Variants in TAF4B observed in about 807,000 individuals in gnomAD.
TAF4B encodes the protein transcription initiation factor TFIID subunit 4B.
A neutral mutation model predicts 86.4 loss-of-function variants in TAF4B; 38 were observed. The observed-to-expected ratio is 0.44, with a 90% CI of 0.34 to 0.58. TAF4B has a LOEUF of 0.58. Ranked by LOEUF, TAF4B falls within the 20% of genes least tolerant of loss-of-function variation. The probability of loss-of-function intolerance (pLI) is 0.02; values close to 1 mark genes in which losing one functional copy is unlikely to be tolerated. For missense variants in TAF4B, 988 were observed against 1,027.6 expected, an observed-to-expected ratio of 0.96 and a Z score of 0.53; for synonymous variants, 388 against 391.2, an observed-to-expected ratio of 0.99 and a Z score of 0.10.
In TAF4B at chr18:26,327,050, G is replaced by C. The variant is rs1471928196; in HGVS notation, c.2169G>C (p.Arg723Ser). The C allele has an allele frequency of 6.2e-7, 1 of 1,613,448 alleles. No individual in the cohort carries two copies. The highest frequency in any genetic ancestry group is 8.5e-7 in the Non-Finnish European group (1 of 1,179,848). ...ATTACATCCTGTGTAGTGATACCAG[G>C]TCACAGCTCAAATTTCTTGAAAAGC... is the stretch of plus-strand genomic sequence containing the variant. ...SENYILCSDTRSQLKFLEKLD... is the reference protein window; with the variant it reads ...SENYILCSDTSSQLKFLEKLD... The change falls in exon 12 of 15, where the codon AGG becomes AGC. Residue 723 changes from arginine (R) to serine (S), a missense_variant. Physicochemically the swap from Arg to Ser is moderately radical, Grantham distance 110. Transcript: ENST00000269142.
chr18:26,351,557 A>G (rs1256104921), intron 13 of TAF4B, among the ~76,000 whole-genome samples: 1 of 152,206 alleles, frequency 6.6e-6, no homozygotes, highest in Non-Finnish European at 1.5e-5. Context: ...GGGTATACTA[A>G]TTATCCTCAT....
chr18:26,303,213 C>T (rs369181110), intron 9 of TAF4B, among the ~76,000 whole-genome samples: 68 of 62,004 alleles, frequency 1.1e-3, no homozygotes, highest in Non-Finnish European at 1.8e-3. Context: ...ACTTTCATAC[C>T]CCCTCCACTT....
chr18:26,267,475 G>A (rs778788631), intron 2 of TAF4B, 41 bp from the exon 3 acceptor site: 3 of 1,332,438 alleles, frequency 2.3e-6, no homozygotes, highest in African/African-American at 1.4e-5. Context: ...AATTACTAAC[G>A]CTAATGACTT....
intron 9 of TAF4B, among the ~76,000 whole-genome samples, chr18:26,313,853 A>G (rs1001079833): frequency 6.6e-6 from 1 of 151,974 alleles, no homozygotes; most frequent in Non-Finnish European, 1.5e-5. Flanking sequence ...TTTTCTGTAG[A>G]GGTGGTATCT....
chr18:26,255,472 G>A (rs1050296014), intron 1 of TAF4B, among the ~76,000 whole-genome samples: 1 of 151,766 alleles, frequency 6.6e-6, no homozygotes, highest in Admixed American at 6.6e-5. Flanking sequence ...GTCTGGTGGT[G>A]GGCACCTATA....
At chr18:26,376,683 A>G (rs1300303793) in intron 14 of TAF4B, among the ~76,000 whole-genome samples, 1 of 151,964 alleles carries the variant, frequency 6.6e-6, no homozygotes, top group Non-Finnish European at 1.5e-5. Context: ...TTTCTTGCCT[A>G]ATTGTCCTGG....
intron 3 of TAF4B, among the ~76,000 whole-genome samples, chr18:26,271,157 C>A (rs1314175616): frequency 2.0e-5 from 3 of 152,192 alleles, no homozygotes; most frequent in Non-Finnish European, 4.4e-5. Context: ...GAAGATACAA[C>A]TCCTTGTACT....
intron 14 of TAF4B, among the ~76,000 whole-genome samples, chr18:26,385,179 C>A (rs934859985): frequency 1.3e-5 from 2 of 152,232 alleles, no homozygotes. Flanking sequence ...GTAGAAAAAT[C>A]TTTAAAGGTT....
At chr18:26,273,237 CTTTAA>C (rs1377974267) in intron 3 of TAF4B, among the ~76,000 whole-genome samples, 2 of 152,174 alleles carry the variant, frequency 1.3e-5, no homozygotes, top group East Asian at 1.9e-4. Flanking sequence ...ATTTCAATGT[CTTTAA>C]TTTGTCTATT....
At chr18:26,283,643 A>G (rs1032687056) in intron 6 of TAF4B, among the ~76,000 whole-genome samples, 4 of 152,166 alleles carry the variant, frequency 2.6e-5, no homozygotes, top group Admixed American at 2.6e-4. Flanking sequence ...AGCCCCTAAC[A>G]AGAAAGTCAC....
intron 5 of TAF4B, among the ~76,000 whole-genome samples, chr18:26,278,417 A>C (rs1274031313): frequency 6.6e-6 from 1 of 151,666 alleles, no homozygotes; most frequent in Non-Finnish European, 1.5e-5. Context: ...GGCTCCTTCC[A>C]CTTCACCCTC....
chr18:26,233,634 C>T lies in TAF4B; in HGVS notation c.343+6358C>T, dbSNP rs192815221. On this transcript the variant is annotated intron_variant, in intron 1 of 14. Transcript: ENST00000269142. The stretch of plus-strand genomic sequence containing the variant: ...CATAAAGGGGCTTGGGAAGTTAAGA[C>T]GGTTTCATGGTTACAGGGCTGTGTA... Among the ~76,000 whole-genome samples, 1,272 of 152,254 alleles carry T rather than the reference C, an allele frequency of 8.4e-3. 9 individuals carry two copies. The highest frequency in any genetic ancestry group is 0.012 in the Non-Finnish European group (837 of 68,012).
intron 1 of TAF4B, among the ~76,000 whole-genome samples, chr18:26,252,018 A>C (rs2056013354): frequency 6.6e-6 from 1 of 152,198 alleles, no homozygotes; most frequent in African/African-American, 2.4e-5. Flanking sequence ...AAAATTCAAA[A>C]ATCCTCTCAC....
chr18:26,355,297 G>A (rs1484612092), intron 13 of TAF4B, among the ~76,000 whole-genome samples: 1 of 152,032 alleles, frequency 6.6e-6, no homozygotes, highest in African/African-American at 2.4e-5. Context: ...GATAACTTGG[G>A]GTTTTCTGCA....
chr18:26,342,134 A>G (rs563540983), intron 13 of TAF4B, among the ~76,000 whole-genome samples: 6 of 152,216 alleles, frequency 3.9e-5, no homozygotes, highest in Non-Finnish European at 7.4e-5. Context: ...CTTAACGTTA[A>G]TTGTGAAATC....
chr18:26,373,065 G>A (rs2057417762), intron 14 of TAF4B, among the ~76,000 whole-genome samples: 1 of 152,114 alleles, frequency 6.6e-6, no homozygotes, highest in African/African-American at 2.4e-5. Context: ...CTACTATCTT[G>A]GTGAACTTTC....
chr18:26,387,569 T>C (rs1000724315), intron 14 of TAF4B, among the ~76,000 whole-genome samples: 9 of 152,212 alleles, frequency 5.9e-5, no homozygotes, highest in African/African-American at 1.9e-4. Flanking sequence ...CAGAGTGGCA[T>C]GCTAGTGCTT....
chr18:26,344,007 C>T (rs1402419871), intron 13 of TAF4B, among the ~76,000 whole-genome samples: 1 of 151,948 alleles, frequency 6.6e-6, no homozygotes, highest in Non-Finnish European at 1.5e-5. Flanking sequence ...TAAAAATGCT[C>T]CAAGAAGCAA....
rs780332387 is a variant in TAF4B, at chr18:26,321,149, C to T, written c.2082C>T (p.Gly694=). 1 of 1,613,684 alleles carries T rather than the reference C, an allele frequency of 6.2e-7. No individual in the cohort carries two copies. The highest frequency in any genetic ancestry group is 1.3e-5 in the African/African-American group (1 of 74,910). Residue 694 remains glycine, a synonymous_variant, in exon 11 of 15, where the codon GGC becomes GGT. Transcript: ENST00000269142. Reference sequence around the variant, plus strand: ...AAGCAACACAGGAACGACTACGAGGCCTTCTAGAAAAACTGACTGCAATTG... The same window carrying T: ...AAGCAACACAGGAACGACTACGAGGTCTTCTAGAAAAACTGACTGCAATTG... ...ISQATQERLR[G]LLEKLTAIAQ...
Sources: allele counts gnomAD v4.1 joint callset (sites outside exome capture counted in the v4.1 genomes callset), GRCh38; gene constraint gnomAD v4.1.1; transcripts MANE v1.5; gene names NCBI Gene and HGNC (gene_info 2026-07-23, HGNC 2026-07-21).